GCN1: variants seen among roughly 807,000 people sequenced by gnomAD.
GCN1 encodes the protein GCN1 activator of EIF2AK4, also known as stalled ribosome sensor GCN1.
GCN1 carries 90 observed loss-of-function variants against 288.4 expected under a neutral mutation model. The ratio of observed to expected loss-of-function variants is 0.31; its 90% CI spans 0.26 to 0.37. GCN1 has a LOEUF of 0.37. GCN1 is among the 10% of genes least tolerant of loss of function. GCN1 has a pLI of 1.00. For synonymous variants in GCN1, 1,386 were observed against 1,420.2 expected (o/e 0.98, Z 0.54); for missense variants, 2,586 against 3,419.9 (o/e 0.76, Z 6.08).
chr12:120,177,115 T>C (rs1021191474), intron 9 of GCN1, among the ~76,000 whole-genome samples: 17 of 152,016 alleles, frequency 1.1e-4, no homozygotes, highest in African/African-American at 3.9e-4. Flanking sequence ...CTGGATAGAG[T>C]GCAGTGTCGC....
At chr12:120,184,680 C>T (rs1878767206) in intron 3 of GCN1, 144 bp downstream of exon 3, 1 of 692,390 alleles carries the variant, frequency 1.4e-6, no homozygotes, top group African/African-American at 1.8e-5. Flanking sequence ...GGTTAAGTAA[C>T]TTGCCCAGGA....
chr12:120,185,963 A>G (rs1878808307), intron 2 of GCN1, among the ~76,000 whole-genome samples: 2 of 152,206 alleles, frequency 1.3e-5, no homozygotes, highest in Non-Finnish European at 2.9e-5. Flanking sequence ...AGAGTGAAAC[A>G]GATACACCCT....
intron 3 of GCN1, 24 bp from the exon 4 acceptor site, chr12:120,184,267 G>A (rs760619034): frequency 1.2e-6 from 2 of 1,604,386 alleles, no homozygotes; most frequent in East Asian, 2.2e-5. Flanking sequence ...CAAAGGAAAG[G>A]GTGAACATGC....
At chr12:120,181,614 C>T (rs565533956) in intron 5 of GCN1, among the ~76,000 whole-genome samples, 22 of 150,830 alleles carry the variant, frequency 1.5e-4, no homozygotes, top group African/African-American at 4.4e-4. Context: ...CCGAGGCGGG[C>T]GGATCACCTG....
At chr12:120,149,746 G>C in intron 35 of GCN1, 26 bp from the exon 36 acceptor site, 1 of 1,591,058 alleles carries the variant, frequency 6.3e-7, no homozygotes, top group Non-Finnish European at 8.6e-7. Context: ...AACACATTCA[G>C]GGGCCTCCTC....
chr12:120,183,533 C>T (rs1450448948), intron 5 of GCN1, 36 bp downstream of exon 5: 3 of 1,281,802 alleles, frequency 2.3e-6, no homozygotes, highest in Non-Finnish European at 3.4e-6. Flanking sequence ...TGGCAGAAAG[C>T]TGACCCTTGC....
intron 37 of GCN1, 121 bp from the exon 38 acceptor site, chr12:120,147,393 C>G: frequency 2.1e-6 from 1 of 469,516 alleles, no homozygotes. Context: ...CTCCCTGAAA[C>G]CCCACAAGTC....
At position 120,134,556 on chromosome 12, in the gene GCN1, G is replaced by A. The variant is rs530074206; in HGVS notation, c.7179C>T (p.Arg2393=). ...ACCTGACACCTGGGTCCTCCATGGC[G>A]CGGATGCCATTGAGCAGCTCTGTGA... ...PLFTELLNGI[R]AMEDPGVRDT... is the part of the protein sequence containing the mutation. Residue 2393 remains arginine (R), a synonymous_variant, in exon 52 of 58, where the codon CGC becomes CGT. Transcript: ENST00000300648. This position sits in a 1 kb window ranked among gnomAD's most constrained non-coding sequence, Gnocchi z 5.0. 74 of 1,614,050 alleles carry A rather than the reference G, an allele frequency of 4.6e-5. No homozygotes were observed. The highest frequency in any genetic ancestry group is 8.9e-5 in the East Asian group (4 of 44,890).
At chr12:120,143,895 G>C (rs570895797) in intron 42 of GCN1, among the ~76,000 whole-genome samples, 2 of 152,356 alleles carry the variant, frequency 1.3e-5, no homozygotes, top group East Asian at 3.9e-4. Flanking sequence ...CAAGGGTCTG[G>C]AAAAAGTTGA....
chr12:120,175,126 CA>C (rs58560211), intron 12 of GCN1, 35 bp downstream of exon 12: 161,488 of 1,043,422 alleles, frequency 0.15, 55 homozygotes, highest in Non-Finnish European at 0.17. Context: ...GACTTTCTCT[CA>C]AAAAAAAAAA....
At chr12:120,149,531 G>T (rs1877470917) in intron 36 of GCN1, 75 bp downstream of exon 36, 3 of 1,011,998 alleles carry the variant, frequency 3.0e-6, no homozygotes, top group Non-Finnish European at 4.7e-6. Context: ...CAAGAGCTGT[G>T]GCTACCCAGG....
In GCN1 at chr12:120,127,521, CAGG is replaced by C. The variant is rs1415117711; in HGVS notation, c.*325_*327del. On this transcript the variant is annotated 3_prime_UTR_variant, in exon 58 of 58. Coordinates refer to ENST00000300648, the MANE Select transcript of GCN1 (RefSeq NM_006836.2). ...CAGCTCTCAAACCAGAGCTCAAGCA[CAGG>C]AGAAGAGGAACCCACAGTCTGACCC... 1.2e-5 allele frequency: 3 copies of C among 246,662 alleles called. No individual in the cohort carries two copies. The highest frequency in any genetic ancestry group is 2.4e-5 in the Non-Finnish European group (3 of 123,988). The allele number at this position is 246,662 out of a possible 1,614,324, so 15.3% of individuals were successfully genotyped here.
intron 51 of GCN1, 82 bp downstream of exon 51, chr12:120,136,420 C>G: frequency 9.5e-7 from 1 of 1,053,388 alleles, no homozygotes; most frequent in South Asian, 1.4e-5. Context: ...ATCTGTTGCC[C>G]TGCTGCTACA....
rs2286048 is a variant in GCN1 at position 120,157,789 on chromosome 12, A to G, written c.3087+60T>C. On this transcript the variant is annotated intron_variant, in intron 26 of 57. Coordinates refer to ENST00000300648, the MANE Select transcript of GCN1 (RefSeq NM_006836.2). ...ACTGTTCATGAGACAAAACGTGTCC[A>G]CAGGCCCTGCCTCCCTGATCCCCTT... 1,006 of 1,382,140 alleles carry G rather than the reference A, an allele frequency of 7.3e-4. 9 individuals are homozygous for G. In the East Asian group the frequency reaches 0.021, roughly 28 times the overall value. The allele number at this position is 1,382,140 out of a possible 1,614,324, so 85.6% of individuals were successfully genotyped here.
chr12:120,159,808 A>G lies in GCN1; in HGVS notation c.2749+17T>C. The stretch of plus-strand genomic sequence containing the variant: ...GCACCCCTGGGCCATCCCTGCAGCC[A>G]GCAAACAAGGACTAACCCAAAGCCT... On this transcript the variant is annotated intron_variant, in intron 24 of 57. Coordinates refer to ENST00000300648, the MANE Select transcript of GCN1 (RefSeq NM_006836.2). The G allele has an allele frequency of 6.2e-7, 1 of 1,612,010 alleles. No individual in the cohort carries two copies. Among genetic ancestry groups the G allele is most frequent in the Non-Finnish European group, 8.5e-7 (1 of 1,178,188 alleles).
At chr12:120,140,037 A>G (rs1877139466) in intron 45 of GCN1, among the ~76,000 whole-genome samples, 1 of 152,216 alleles carries the variant, frequency 6.6e-6, no homozygotes. Flanking sequence ...CTACCTCTCC[A>G]ATGAATCACA....
intron 31 of GCN1, 149 bp from the exon 32 acceptor site, chr12:120,154,058 G>T: frequency 1.6e-6 from 1 of 642,080 alleles, no homozygotes; most frequent in African/African-American, 1.8e-5. Flanking sequence ...CCACCACCCA[G>T]TGCTCACCCA....
chr12:120,138,925 C>G, intron 45 of GCN1, 69 bp from the exon 46 acceptor site: 1 of 1,429,164 alleles, frequency 7.0e-7, no homozygotes, highest in Non-Finnish European at 9.6e-7. Flanking sequence ...AGACAAGAAG[C>G]ACAGGCAGGG....
chr12:120,151,002 G>C (rs1021244620), intron 34 of GCN1, 143 bp downstream of exon 34: 3 of 867,200 alleles, frequency 3.5e-6, no homozygotes, highest in Admixed American at 4.7e-5. Context: ...GACGCAGCTG[G>C]ACTGGGTCGC....
Sources: gnomAD v4.1 joint callset for allele counts (sites outside exome capture counted in the v4.1 genomes callset) on GRCh38, gnomAD v4.1.1 for gene constraint, Gnocchi (gnomAD v3.1) non-coding constraint, MANE v1.5 for transcripts, NCBI Gene and HGNC (gene_info 2026-07-23, HGNC 2026-07-21) for gene names.